The following ARHGAP6 variants were observed in gnomAD, a reference collection of about 807,000 sequenced individuals.
ARHGAP6 encodes rho GTPase-activating protein 6.
In ARHGAP6, 16 loss-of-function variants were observed where a neutral mutation model predicts 55.7. The observed-to-expected ratio is 0.29, with a 90% confidence interval of 0.19 to 0.44. The LOEUF (loss-of-function observed/expected upper bound fraction) is 0.44, where lower values mean the gene tolerates loss of function less well. ARHGAP6 is among the 20% of genes least tolerant of loss of function. The pLI is 1.00. For missense variants in ARHGAP6, 698 were observed against 808.9 expected (o/e 0.86, Z 1.66); for synonymous variants, 382 against 360.9 (o/e 1.06, Z -0.66).
intron 2 of ARHGAP6, among the ~76,000 whole-genome samples, chrX:11,202,035 G>GTGTGTGTA (rs2046633685): frequency 1.1e-5 from 1 of 94,011 alleles, no homozygotes. Context: ...GTGTGTGTGT[G>GTGTGTGTA]TGTGTGTGTG....
chrX:11,376,966 G>A (rs146443247), intron 1 of ARHGAP6, among the ~76,000 whole-genome samples: 1,550 of 111,648 alleles, frequency 0.014, 25 homozygotes, highest in African/African-American at 0.047. Context: ...AACCATGATT[G>A]CCAGCAAGAC....
At chrX:11,311,689 G>A (rs1364480112) in intron 1 of ARHGAP6, among the ~76,000 whole-genome samples, 2 of 109,896 alleles carry the variant, frequency 1.8e-5, no homozygotes, top group Non-Finnish European at 3.8e-5. Context: ...TCCTGTCTAA[G>A]GATAACAAAG....
chrX:11,235,027 C>T (rs1328971384), intron 2 of ARHGAP6, among the ~76,000 whole-genome samples: 2 of 112,531 alleles, frequency 1.8e-5, no homozygotes, highest in African/African-American at 3.2e-5. Context: ...CTCACAGCTC[C>T]TCTAGACAGT....
intron 1 of ARHGAP6, among the ~76,000 whole-genome samples, chrX:11,500,721 T>C (rs2050669662): frequency 1.0e-5 from 1 of 97,985 alleles, no homozygotes; most frequent in Non-Finnish European, 2.1e-5. Flanking sequence ...CAAAATGAAA[T>C]TACTAGTATA....
In ARHGAP6 at chrX:11,387,278, T is replaced by C. The variant is rs190198111; in HGVS notation, c.589-132571A>G. On this transcript the variant is annotated intron_variant, in intron 1 of 12. Coordinates refer to ENST00000337414, the MANE Select transcript of ARHGAP6 (RefSeq NM_013427.3). ...ATACCTATGCACCACCCTCGACCAC[T>C]GAGCTGGAATCTCTGGGGCTTGGGG... Among the ~76,000 whole-genome samples, 155 of 111,785 alleles carry C rather than the reference T, an allele frequency of 1.4e-3. 2 individuals are homozygous for C. Among genetic ancestry groups the C allele is most frequent in the Admixed American group, 0.013 (132 of 10,541 alleles).
intron 1 of ARHGAP6, among the ~76,000 whole-genome samples, chrX:11,633,725 T>C (rs1276356890): frequency 9.0e-6 from 1 of 111,726 alleles, no homozygotes; most frequent in African/African-American, 3.2e-5. Context: ...ACAAGATGCA[T>C]TGAGCTTCAT....
intron 1 of ARHGAP6, among the ~76,000 whole-genome samples, chrX:11,349,370 C>A (rs1189141455): frequency 9.0e-6 from 1 of 111,134 alleles, no homozygotes; most frequent in African/African-American, 3.3e-5. Flanking sequence ...ATCTCACTTA[C>A]CTTATTTTTT....
chrX:11,260,168 G>A (rs1299389988), intron 1 of ARHGAP6, among the ~76,000 whole-genome samples: 1 of 111,424 alleles, frequency 9.0e-6, no homozygotes, highest in Non-Finnish European at 1.9e-5. Flanking sequence ...ACAGCTTCTA[G>A]TGCAGGAAAA....
chrX:11,279,547 C>T (rs985090989), intron 1 of ARHGAP6, among the ~76,000 whole-genome samples: 12 of 102,787 alleles, frequency 1.2e-4, no homozygotes, highest in African/African-American at 4.1e-4. Flanking sequence ...TTCCATTTCC[C>T]ATTGCCTGTG....
intron 10 of ARHGAP6, chrX:11,148,481 T>A (rs751190839): frequency 5.4e-6 from 1 of 186,263 alleles, no homozygotes; most frequent in Non-Finnish European, 1.0e-5. Context: ...GGTGGACAGG[T>A]CACCAGTCTA....
intron 1 of ARHGAP6, among the ~76,000 whole-genome samples, chrX:11,618,340 G>A (rs945836304): frequency 1.8e-5 from 2 of 112,312 alleles, no homozygotes; most frequent in Non-Finnish European, 3.8e-5. Flanking sequence ...GCAGCAACAG[G>A]AAATTAATAC....
intron 1 of ARHGAP6, among the ~76,000 whole-genome samples, chrX:11,600,395 T>C (rs1203888269): frequency 8.9e-6 from 1 of 112,161 alleles, no homozygotes; most frequent in Non-Finnish European, 1.9e-5. Flanking sequence ...AGGGAAAATC[T>C]CAGCGTTGCA....
At chrX:11,186,627 A>G (rs1339406174) in intron 4 of ARHGAP6, among the ~76,000 whole-genome samples, 196 bp from the exon 5 acceptor site, 7 of 112,330 alleles carry the variant, frequency 6.2e-5, no homozygotes, top group Non-Finnish European at 1.1e-4. Flanking sequence ...AAACCTCTAC[A>G]AGATTTCCTC....
intron 1 of ARHGAP6, among the ~76,000 whole-genome samples, chrX:11,518,464 T>C (rs1206954639): frequency 1.4e-5 from 1 of 70,851 alleles, no homozygotes; most frequent in African/African-American, 9.2e-5. Flanking sequence ...TTTTTTTTCT[T>C]TTTTTTTTTT....
intron 1 of ARHGAP6, among the ~76,000 whole-genome samples, chrX:11,651,571 T>C (rs1468449817): frequency 8.9e-6 from 1 of 112,173 alleles, no homozygotes; most frequent in Non-Finnish European, 1.9e-5. Flanking sequence ...TCCATGTCTT[T>C]GCTATTGTGA....
rs924629769 is a variant in ARHGAP6 at position 11,400,768 on chromosome X, A to G, written c.589-146061T>C. ...TTAACCTAGCATGAACTATCACTGT[A>G]TGATACTCATGCTGTGACTGTGCCG... On this transcript the variant is annotated intron_variant, in intron 1 of 12. Coordinates refer to ENST00000337414, the MANE Select transcript of ARHGAP6 (RefSeq NM_013427.3). Among the ~76,000 whole-genome samples, 4 of 112,174 alleles carry G rather than the reference A, an allele frequency of 3.6e-5. No individual in the cohort carries two copies. In the Admixed American group the frequency reaches 3.8e-4, roughly 11 times the overall value.
At chrX:11,273,103 C>T (rs972608922) in intron 1 of ARHGAP6, among the ~76,000 whole-genome samples, 1 of 110,613 alleles carries the variant, frequency 9.0e-6, no homozygotes, top group East Asian at 2.8e-4. Context: ...TGCTTTTTCC[C>T]TACACCCCTC....
At chrX:11,408,927 G>GCACA (rs894162413) in intron 1 of ARHGAP6, among the ~76,000 whole-genome samples, 1 of 105,641 alleles carries the variant, frequency 9.5e-6, no homozygotes, top group Non-Finnish European at 2.0e-5. Flanking sequence ...ACACACACAC[G>GCACA]CACACACACA....
chrX:11,349,148 T>C (rs2048825151), intron 1 of ARHGAP6, among the ~76,000 whole-genome samples: 1 of 109,995 alleles, frequency 9.1e-6, no homozygotes, highest in African/African-American at 3.3e-5. Flanking sequence ...CATTTTACTA[T>C]TGGTGGGGGA....
Sources: allele counts gnomAD v4.1 joint callset (sites outside exome capture counted in the v4.1 genomes callset), GRCh38; gene constraint gnomAD v4.1.1; transcripts MANE v1.5; gene names NCBI Gene and HGNC (gene_info 2026-07-23, HGNC 2026-07-21).